Variants in SMC1B observed in about 807,000 individuals in gnomAD.
SMC1B encodes the protein structural maintenance of chromosomes protein 1B.
A neutral mutation model predicts 157.9 loss-of-function variants in SMC1B; 60 were observed. The observed-to-expected ratio is 0.38, with a 90% CI of 0.31 to 0.47. The LOEUF (loss-of-function observed/expected upper bound fraction) is 0.47. Ranked by LOEUF, SMC1B falls within the 20% of genes least tolerant of loss-of-function variation. SMC1B has a pLI of 0.99. For synonymous variants in SMC1B, 445 were observed against 483.0 expected, an observed-to-expected ratio of 0.92 and a Z score of 1.03; for missense variants, 1,165 against 1,426.2, an observed-to-expected ratio of 0.82 and a Z score of 2.95.
At chr22:45,406,271 T>C (rs1361569314) in intron 4 of SMC1B, among the ~76,000 whole-genome samples, 189 bp downstream of exon 4, 1 of 152,198 alleles carries the variant, frequency 6.6e-6, no homozygotes, top group East Asian at 1.9e-4. Flanking sequence ...CAGGCTGTCC[T>C]GCCTATTCGG....
intron 20 of SMC1B, among the ~76,000 whole-genome samples, chr22:45,354,666 C>T (rs2086652772): frequency 6.6e-6 from 1 of 152,138 alleles, no homozygotes; most frequent in Admixed American, 6.5e-5. Flanking sequence ...GCTGGGATTA[C>T]AGGCGTGAGC....
intron 21 of SMC1B, among the ~76,000 whole-genome samples, chr22:45,353,290 GA>G (rs11287252): frequency 0.85 from 119,587 of 140,268 alleles, 50,772 homozygotes; most frequent in Non-Finnish European, 0.87. Flanking sequence ...AAGAAAGAAA[GA>G]AAAAAAAAAA....
At position 45,355,056 on chromosome 22, in the gene SMC1B, T is replaced by C; in HGVS notation, c.3021A>G (p.Ala1007=). 6.2e-7 allele frequency: 1 copy of C among 1,614,176 alleles called. No homozygotes were observed. The highest frequency in any genetic ancestry group is 8.5e-7 in the Non-Finnish European group (1 of 1,179,990). ...TTTTCAGTAAGATATCTTCCTGGGATGCTACTTGCTGCAATAAGAGCCTAA... is the reference window on the plus strand; with the variant it reads ...TTTTCAGTAAGATATCTTCCTGGGACGCTACTTGCTGCAATAAGAGCCTAA... The part of the protein sequence containing the change: ...AHLRLLLQQV[A]SQEDILLKTA... The change falls in exon 20 of 25, where the codon GCA becomes GCG. Residue 1007 remains alanine, a synonymous_variant. Coordinates refer to ENST00000357450, the MANE Select transcript of SMC1B (RefSeq NM_148674.5).
intron 22 of SMC1B, among the ~76,000 whole-genome samples, chr22:45,351,833 A>G (rs551334849): frequency 7.9e-5 from 12 of 152,348 alleles, no homozygotes; most frequent in Admixed American, 1.3e-4. Flanking sequence ...TTAATTGTAG[A>G]TAACTTTTTG....
Position 45,409,564 on chromosome 22 carries a change from CTAAATAAATAAA to C in SMC1B, c.110-678_110-667del, listed in dbSNP as rs71770434. Reference sequence around the variant, plus strand: ...TGGGCAACGAGGAGAGACTCCAACTCTAAATAAATAAATAAATAAATAAATAAATAAATAAAT... The same window carrying C: ...TGGGCAACGAGGAGAGACTCCAACTCTAAATAAATAAATAAATAAATAAAT... On this transcript the variant is annotated intron_variant, in intron 1 of 24. Coordinates refer to ENST00000357450, the MANE Select transcript of SMC1B (RefSeq NM_148674.5). Among the ~76,000 whole-genome samples the C allele has an allele frequency of 2.8e-3, 400 of 140,832 alleles. 1 individual carries two copies. The highest frequency in any genetic ancestry group is 4.4e-3 in the Non-Finnish European group (288 of 65,372). The allele number at this position is 140,832 out of a possible 152,430, so 92.4% of individuals were successfully genotyped here.
At chr22:45,358,312 ACTC>A (rs2086688712) in intron 19 of SMC1B, among the ~76,000 whole-genome samples, 1 of 151,830 alleles carries the variant, frequency 6.6e-6, no homozygotes. Context: ...AGTTGTGAAA[ACTC>A]CTGATTTACA....
chr22:45,395,952 G>A (rs755339984), intron 7 of SMC1B, among the ~76,000 whole-genome samples: 14 of 152,196 alleles, frequency 9.2e-5, no homozygotes, highest in Non-Finnish European at 1.9e-4. Flanking sequence ...AGGCTTTGCG[G>A]TGTTGGTAAC....
intron 15 of SMC1B, among the ~76,000 whole-genome samples, chr22:45,369,542 CTTTTTTTTT>C (rs136566): frequency 9.0e-6 from 1 of 110,764 alleles, no homozygotes; most frequent in Admixed American, 9.4e-5. Flanking sequence ...CTAGCTGTTT[CTTTTTTTTT>C]TTTTTTTTTG....
chr22:45,412,835 A>C (rs1294891723), intron 1 of SMC1B, among the ~76,000 whole-genome samples: 1 of 152,102 alleles, frequency 6.6e-6, no homozygotes, highest in African/African-American at 2.4e-5. Context: ...TCATCACTAC[A>C]TTCCTGGGTC....
At chr22:45,383,353 C>T (rs2086956534) in intron 12 of SMC1B, 114 bp downstream of exon 12, 5 of 646,726 alleles carry the variant, frequency 7.7e-6, no homozygotes, top group Non-Finnish European at 1.2e-5. Flanking sequence ...TTTCATTCTG[C>T]ATTATTTGAA....
At chr22:45,398,899 A>T (rs148167606) in intron 6 of SMC1B, among the ~76,000 whole-genome samples, 196 bp downstream of exon 6, 2 of 152,264 alleles carry the variant, frequency 1.3e-5, no homozygotes, top group East Asian at 3.9e-4. Context: ...ACAGAGCGAG[A>T]CCCTCTCTCT....
rs745860235 is a variant in SMC1B at position 45,402,565 on chromosome 22, G to A, written c.622C>T (p.Arg208Cys). The A allele has an allele frequency of 5.0e-6, 8 of 1,611,034 alleles. No homozygotes were observed. The highest frequency in any genetic ancestry group is 2.2e-5 in the East Asian group (1 of 44,812). ...AGTTCTTCAAGGAGACTCTGGTAACGTTCTGCCTATAAAAGAGTATAATTC... is the reference window on the plus strand; with the variant it reads ...AGTTCTTCAAGGAGACTCTGGTAACATTCTGCCTATAAAAGAGTATAATTC... ...QAKLEKEEAE[R>C]YQSLLEELKM... is the part of the protein sequence containing the mutation. Residue 208 changes from arginine to cysteine, a missense_variant, in exon 5 of 25, where the codon CGT becomes TGT. Transcript: ENST00000357450.
chr22:45,409,564 CTAAATAAATAAATAAA>C (rs71770434), intron 1 of SMC1B, among the ~76,000 whole-genome samples: 33 of 140,832 alleles, frequency 2.3e-4, no homozygotes, highest in Non-Finnish European at 4.1e-4. Context: ...GACTCCAACT[CTAAATAAATAAATAAA>C]TAAATAAATA....
intron 7 of SMC1B, 40 bp downstream of exon 7, chr22:45,396,306 T>C: frequency 6.5e-7 from 1 of 1,549,920 alleles, no homozygotes; most frequent in East Asian, 2.3e-5. Context: ...AAAATTTCAT[T>C]AAGAATGATT....
At chr22:45,401,141 G>A (rs553216753) in intron 5 of SMC1B, among the ~76,000 whole-genome samples, 9 of 152,296 alleles carry the variant, frequency 5.9e-5, no homozygotes, top group African/African-American at 1.9e-4. Context: ...TATTAATTCT[G>A]ACAATGTATC....
At chr22:45,384,630 G>A (rs902552505) in intron 11 of SMC1B, among the ~76,000 whole-genome samples, 1 of 151,516 alleles carries the variant, frequency 6.6e-6, no homozygotes, top group Non-Finnish European at 1.5e-5. Flanking sequence ...TGAGGCACGA[G>A]AATCGCTTGA....
intron 20 of SMC1B, 71 bp from the exon 21 acceptor site, chr22:45,354,203 A>G (rs1215162956): frequency 4.9e-6 from 6 of 1,226,454 alleles, no homozygotes; most frequent in Non-Finnish European, 6.5e-6. Context: ...TGTAAAGCAT[A>G]AAATATTTTT....
intron 12 of SMC1B, among the ~76,000 whole-genome samples, chr22:45,373,883 G>T (rs2086858074): frequency 6.6e-6 from 1 of 151,972 alleles, no homozygotes; most frequent in Admixed American, 6.6e-5. Flanking sequence ...GGAATCTAAA[G>T]TTACATTAAA....
At position 45,397,390 on chromosome 22, in the gene SMC1B, G is replaced by A. The variant is rs139386105; in HGVS notation, c.1114-904C>T. On this transcript the variant is annotated intron_variant, in intron 6 of 24. Transcript: ENST00000357450. The stretch of plus-strand genomic sequence containing the variant: ...AAATTAGACAGGTGTGGTAGCATGC[G>A]CCTGTAGACGGGAGGATCAATTGAG... Among the ~76,000 whole-genome samples, 1,400 of 152,126 alleles carry A rather than the reference G, an allele frequency of 9.2e-3. 17 individuals are homozygous for A. Among genetic ancestry groups the A allele is most frequent in the African/African-American group, 0.032 (1,331 of 41,486 alleles).
Sources: gnomAD v4.1 joint callset for allele counts (sites outside exome capture counted in the v4.1 genomes callset) on GRCh38, gnomAD v4.1.1 for gene constraint, MANE v1.5 for transcripts, NCBI Gene and HGNC (gene_info 2026-07-23, HGNC 2026-07-21) for gene names.